MRPL34: variants seen among roughly 807,000 people sequenced by gnomAD.
MRPL34 encodes mitochondrial ribosomal protein L34, also known as large ribosomal subunit protein bL34m.
MRPL34 carries 8 observed loss-of-function variants against 6.7 expected under a neutral mutation model. The ratio of observed to expected loss-of-function variants is 1.20; its 90% CI spans 0.70 to 2.16. The LOEUF (loss-of-function observed/expected upper bound fraction) is 2.16, where lower values mean the gene tolerates loss of function less well. Ranked by LOEUF, MRPL34 falls within the 30% of genes most tolerant of loss-of-function variation. The probability of loss-of-function intolerance (pLI) is 0.00; values close to 1 mark genes in which losing one functional copy is unlikely to be tolerated. For missense variants in MRPL34, 146 were observed against 125.5 expected (o/e 1.16, Z -0.78); for synonymous variants, 59 against 55.1 (o/e 1.07, Z -0.31).
chr19:17,295,884 AT>A (rs528756326), intron 1 of MRPL34, among the ~76,000 whole-genome samples: 2 of 151,956 alleles, frequency 1.3e-5, no homozygotes, highest in East Asian at 1.9e-4. Flanking sequence ...ATTTTTAAAA[AT>A]TTTTTTATAA....
intron 1 of MRPL34, among the ~76,000 whole-genome samples, chr19:17,297,388 T>C (rs1232146941): frequency 6.6e-6 from 1 of 151,978 alleles, no homozygotes; most frequent in African/African-American, 2.4e-5. Flanking sequence ...CCCCACCTCA[T>C]GGGTTCGAAT....
upstream of MRPL34, chr19:17,298,345 C>T (rs2074102486): frequency 6.6e-6 from 1 of 152,112 alleles, no homozygotes; most frequent in Non-Finnish European, 1.5e-5. Context: ...TGGTCAAGCC[C>T]TGGGGACCAA....
rs779607230 is a variant in MRPL34, at chr19:17,295,090, ATTTTTTTTTTTTT to A, written c.214+2250_214+2262del. On this transcript the variant is annotated intron_variant, in intron 1 of 2. Transcript: ENST00000595444. ...AGGCGCACACCACCACACCCAGGTAATTTTTTTTTTTTTTTTTTTTTTTTTTGAGACGGAGTCT... is the reference window on the plus strand; with the variant it reads ...AGGCGCACACCACCACACCCAGGTAATTTTTTTTTTTTTGAGACGGAGTCT... 6.2e-5 allele frequency among the ~76,000 whole-genome samples: 5 copies of A among 80,412 alleles called. 1 individual carries two copies. The highest frequency in any genetic ancestry group is 2.5e-4 in the African/African-American group (5 of 20,320). The allele number at this position is 80,412 out of a possible 152,430, so 52.8% of individuals were successfully genotyped here.
chr19:17,306,447 A>T lies in MRPL34; in HGVS notation c.*68A>T. 7.1e-7 allele frequency: 1 copy of T among 1,405,512 alleles called. No individual in the cohort carries two copies. The highest frequency in any genetic ancestry group is 2.5e-5 in the East Asian group (1 of 39,580). The allele number at this position is 1,405,512 out of a possible 1,614,324, so 87.1% of individuals were successfully genotyped here. ...CTCGCCTCGGACCTTGCCTGGCGCT[A>T]TTTTTGCAGGGAGCTGGGGAGCAGG... On this transcript the variant is annotated 3_prime_UTR_variant, in exon 2 of 2. Coordinates refer to ENST00000252602, the MANE Select transcript of MRPL34 (RefSeq NM_023937.4).
intron 1 of MRPL34, chr19:17,294,636 C>G: frequency 6.2e-7 from 1 of 1,609,500 alleles, no homozygotes; most frequent in South Asian, 1.1e-5. Context: ...CTGGGTTCGC[C>G]AGGGCCAGGA....
chr19:17,300,152 C>T (rs1014554108), upstream of MRPL34, among the ~76,000 whole-genome samples: 2 of 151,176 alleles, frequency 1.3e-5, no homozygotes, highest in African/African-American at 4.9e-5. Context: ...GATCCGCCCG[C>T]CTCAGCCTCC....
At chr19:17,306,037 G>A in intron 1 of MRPL34, 80 bp downstream of exon 1, 1 of 1,571,986 alleles carries the variant, frequency 6.4e-7, no homozygotes, top group Non-Finnish European at 8.7e-7. Context: ...CACTGCCCGC[G>A]TGACCTGCCA....
upstream of MRPL34, among the ~76,000 whole-genome samples, chr19:17,300,349 G>A (rs2074111836): frequency 6.6e-6 from 1 of 151,818 alleles, no homozygotes; most frequent in South Asian, 2.1e-4. Flanking sequence ...AACTATATGC[G>A]TGCACCTCCT....
At chr19:17,299,240 C>CCG (rs149212694), upstream of MRPL34, among the ~76,000 whole-genome samples, 10,731 of 148,006 alleles carry the variant, frequency 0.073, 588 homozygotes, top group Non-Finnish European at 0.11. Context: ...TGAGACCCCC[C>CCG]CCCCATTCTC....
In MRPL34 at chr19:17,306,281, A is replaced by G. The variant is rs369132806; in HGVS notation, c.181A>G (p.Lys61Glu). The change falls in exon 2 of 2, where the codon AAG becomes GAG. Residue 61 changes from lysine to glutamate, a missense_variant. Transcript: ENST00000252602. ...GTATCAGCCGAGCAACATCAAACGC[A>G]AGAACAAGCACGGCTGGGTCCGGCG... Reference protein sequence around the residue: ...NEYQPSNIKRKNKHGWVRRLS... With the variant: ...NEYQPSNIKRENKHGWVRRLS... The G allele has an allele frequency of 6.2e-7, 1 of 1,609,290 alleles. No homozygotes were observed. Among genetic ancestry groups the G allele is most frequent in the East Asian group, 2.2e-5 (1 of 44,744 alleles).
At chr19:17,299,135 T>G (rs2074105453), upstream of MRPL34, among the ~76,000 whole-genome samples, 1 of 151,838 alleles carries the variant, frequency 6.6e-6, no homozygotes, top group African/African-American at 2.4e-5. Context: ...TTCAGCCTGG[T>G]ATAGCGGCTC....
chr19:17,304,217 G>A (rs576127920), upstream of MRPL34, among the ~76,000 whole-genome samples: 102 of 152,330 alleles, frequency 6.7e-4, no homozygotes, highest in African/African-American at 2.3e-3. Flanking sequence ...ATAGCAAGAG[G>A]CAGGCATCCC....
chr19:17,296,232 T>G (rs936301870), intron 1 of MRPL34: 1 of 151,734 alleles, frequency 6.6e-6, no homozygotes, highest in Non-Finnish European at 1.5e-5. Flanking sequence ...TTTAAAATTT[T>G]TGTAGAGATG....
At chr19:17,301,245 C>A, upstream of MRPL34, 3 of 1,595,308 alleles carry the variant, frequency 1.9e-6, no homozygotes, top group South Asian at 1.1e-5. Flanking sequence ...CGCTGCCCGC[C>A]GGATCTGCCA....
chr19:17,294,174 C>A, intron 1 of MRPL34: 3 of 1,338,026 alleles, frequency 2.2e-6, no homozygotes, highest in Non-Finnish European at 3.0e-6. Flanking sequence ...GCCACGCCCC[C>A]TCGGGAAGAA....
At chr19:17,295,090 ATTTTTTTTTTTT>A (rs779607230) in intron 1 of MRPL34, among the ~76,000 whole-genome samples, 5 of 80,412 alleles carry the variant, frequency 6.2e-5, no homozygotes, top group African/African-American at 2.5e-4. Context: ...CACCCAGGTA[ATTTTTTTTTTTT>A]TTTTTTTTTT....
At chr19:17,304,739 G>A (rs558581608), upstream of MRPL34, among the ~76,000 whole-genome samples, 86 of 152,314 alleles carry the variant, frequency 5.6e-4, no homozygotes, top group African/African-American at 2.0e-3. Context: ...GAGAGTCAAG[G>A]GAAAGCAGTC....
rs62126250 is a variant in MRPL34 at position 17,295,266 on chromosome 19, C to T, written c.214+2412C>T. Among the ~76,000 whole-genome samples, 13 of 151,410 alleles carry T rather than the reference C, an allele frequency of 8.6e-5. 1 individual carries two copies. Among genetic ancestry groups the T allele is most frequent in the African/African-American group, 2.2e-4 (9 of 41,282 alleles). Reference sequence around the variant, plus strand: ...GACTACAGGCGCCCGCCACCGCGCCCGGCTAATTTTTTGTATTTTTAGTAG... The same window carrying T: ...GACTACAGGCGCCCGCCACCGCGCCTGGCTAATTTTTTGTATTTTTAGTAG... On this transcript the variant is annotated intron_variant, in intron 1 of 2. Coordinates refer to the MRPL34 transcript ENST00000595444.
chr19:17,300,978 G>A (rs539011418), upstream of MRPL34: 4 of 1,613,468 alleles, frequency 2.5e-6, no homozygotes, highest in Middle Eastern at 1.6e-4. Context: ...AGCTGGCCCC[G>A]TGGCCGGCCA....
Sources: gnomAD v4.1 joint callset for allele counts (sites outside exome capture counted in the v4.1 genomes callset) on GRCh38, gnomAD v4.1.1 for gene constraint, MANE v1.5 for transcripts, NCBI Gene and HGNC (gene_info 2026-07-23, HGNC 2026-07-21) for gene names.